The following JARID2 variants were observed in gnomAD, a reference collection of about 807,000 sequenced individuals.
JARID2 encodes jumonji and AT-rich interaction domain containing 2.
In JARID2, 21 loss-of-function variants were observed where a neutral mutation model predicts 125.6. That is an observed-to-expected ratio of 0.17 (90% CI 0.12 to 0.24). The LOEUF is 0.24. Ranked by LOEUF, JARID2 falls within the 10% of genes least tolerant of loss-of-function variation. JARID2 has a pLI of 1.00. For synonymous variants in JARID2, 736 were observed against 661.6 expected (o/e 1.11, Z -1.73); for missense variants, 1,303 against 1,639.6 (o/e 0.79, Z 3.55).
intron 3 of JARID2, among the ~76,000 whole-genome samples, chr6:15,434,265 C>T (rs1422184330): frequency 6.6e-6 from 1 of 152,030 alleles, no homozygotes; most frequent in East Asian, 1.9e-4. Flanking sequence ...TGGACAATTC[C>T]ATATACTCCT....
At chr6:15,263,711 G>T (rs1384800064) in intron 1 of JARID2, among the ~76,000 whole-genome samples, 3 of 151,328 alleles carry the variant, frequency 2.0e-5, no homozygotes, top group Non-Finnish European at 4.4e-5. Flanking sequence ...TCCTGCCTCA[G>T]CCTCCAGAGT....
chr6:15,476,040 T>G (rs1344380542), intron 5 of JARID2, among the ~76,000 whole-genome samples: 3 of 152,216 alleles, frequency 2.0e-5, no homozygotes, highest in Non-Finnish European at 4.4e-5. Context: ...AGATTTGTGC[T>G]TTTCCCTATT....
At chr6:15,429,109 A>G (rs575847331) in intron 3 of JARID2, among the ~76,000 whole-genome samples, 21 of 152,162 alleles carry the variant, frequency 1.4e-4, no homozygotes, top group African/African-American at 4.3e-4. Flanking sequence ...TTTCTAGGCT[A>G]TGTCCACTTG....
At chr6:15,461,882 C>CT (rs112020845) in intron 4 of JARID2, among the ~76,000 whole-genome samples, 2,095 of 145,084 alleles carry the variant, frequency 0.014, 29 homozygotes, top group South Asian at 0.047. Context: ...GTGATGGTAT[C>CT]TTTTTTTTTT....
chr6:15,290,863 G>A (rs978140050), intron 1 of JARID2, among the ~76,000 whole-genome samples: 3 of 152,160 alleles, frequency 2.0e-5, no homozygotes, highest in Non-Finnish European at 2.9e-5. Flanking sequence ...CTCGTGATCC[G>A]CCTGCCTCGG....
rs1008807793 is a variant in JARID2, at chr6:15,397,979, A to G, written c.182-12245A>G. Among the ~76,000 whole-genome samples the G allele has an allele frequency of 2.6e-5, 4 of 152,228 alleles. No individual in the cohort carries two copies. The South Asian group carries it at 8.3e-4, about 31-fold the overall frequency. On this transcript the variant is annotated intron_variant, in intron 2 of 17. Transcript: ENST00000341776. ...ATAAATACTCCATTGTGTAATAATG[A>G]AAATGGATAGGCAAGCGATATAATA...
intron 4 of JARID2, 104 bp downstream of exon 4, chr6:15,452,279 C>T: frequency 6.8e-7 from 1 of 1,473,990 alleles, no homozygotes. Flanking sequence ...GTTCATTTTT[C>T]TGTCCCCAAC....
At chr6:15,331,818 T>C (rs894600096) in intron 1 of JARID2, among the ~76,000 whole-genome samples, 11 of 152,164 alleles carry the variant, frequency 7.2e-5, no homozygotes, top group Admixed American at 2.6e-4. Flanking sequence ...GAAACTCCAT[T>C]TCATAAAAAG....
intron 2 of JARID2, among the ~76,000 whole-genome samples, chr6:15,378,406 GGGT>G (rs10568063): frequency 0.15 from 22,733 of 151,838 alleles, 1,754 homozygotes; most frequent in East Asian, 0.17. Context: ...AGAGAAGGGT[GGGT>G]GGTGGTGGAG....
At chr6:15,366,511 G>T (rs1763980647) in intron 1 of JARID2, among the ~76,000 whole-genome samples, 1 of 134,544 alleles carries the variant, frequency 7.4e-6, no homozygotes, top group Non-Finnish European at 1.6e-5. Flanking sequence ...GTGGGGGGCG[G>T]GGGGGGCGGG....
intron 5 of JARID2, among the ~76,000 whole-genome samples, chr6:15,479,952 A>AGT (rs2127702914): frequency 6.6e-6 from 1 of 152,346 alleles, no homozygotes; most frequent in Non-Finnish European, 1.5e-5. Flanking sequence ...AGTGACTCAA[A>AGT]GTTGAACTGG....
At chr6:15,430,545 A>G (rs887920019) in intron 3 of JARID2, among the ~76,000 whole-genome samples, 3 of 152,228 alleles carry the variant, frequency 2.0e-5, no homozygotes, top group African/African-American at 7.2e-5. Flanking sequence ...TAACAGTATA[A>G]TAGGCCAGGT....
At chr6:15,318,021 T>A (rs2089546906) in intron 1 of JARID2, among the ~76,000 whole-genome samples, 1 of 152,206 alleles carries the variant, frequency 6.6e-6, no homozygotes, top group Non-Finnish European at 1.5e-5. Flanking sequence ...GTTTTGAGTT[T>A]GCTCCAGATT....
At chr6:15,259,961 G>C (rs943639541) in intron 1 of JARID2, among the ~76,000 whole-genome samples, 1 of 152,182 alleles carries the variant, frequency 6.6e-6, no homozygotes, top group Non-Finnish European at 1.5e-5. Context: ...TCTCAATGCA[G>C]CAGTGTTTGG....
At chr6:15,442,031 C>T (rs1039433160) in intron 3 of JARID2, among the ~76,000 whole-genome samples, 1 of 151,848 alleles carries the variant, frequency 6.6e-6, no homozygotes, top group Non-Finnish European at 1.5e-5. Context: ...ATCCCCCACG[C>T]CTGGCCTGGA....
At chr6:15,451,979 A>AT in intron 3 of JARID2, 27 bp from the exon 4 acceptor site, 1 of 1,609,658 alleles carries the variant, frequency 6.2e-7, no homozygotes, top group Non-Finnish European at 8.5e-7. Flanking sequence ...TGCTTAATTT[A>AT]TTTTTAATTT....
intron 2 of JARID2, among the ~76,000 whole-genome samples, chr6:15,402,179 A>G (rs553871035): frequency 2.0e-5 from 3 of 152,222 alleles, no homozygotes; most frequent in African/African-American, 7.2e-5. Flanking sequence ...TCAGGACACA[A>G]AGTTTGTGGA....
intron 2 of JARID2, among the ~76,000 whole-genome samples, chr6:15,380,746 C>G (rs1029057193): frequency 2.6e-5 from 4 of 152,028 alleles, no homozygotes; most frequent in Non-Finnish European, 5.9e-5. Context: ...TCCAAAGATT[C>G]TTGATGTGTG....
At chr6:15,492,111 G>A (rs1770179354) in intron 6 of JARID2, among the ~76,000 whole-genome samples, 2 of 152,090 alleles carry the variant, frequency 1.3e-5, no homozygotes, top group South Asian at 2.1e-4. Flanking sequence ...TACAGGTGAC[G>A]GATGGCTGTG....
Sources: allele counts gnomAD v4.1 joint callset (sites outside exome capture counted in the v4.1 genomes callset), GRCh38; gene constraint gnomAD v4.1.1; transcripts MANE v1.5; gene names NCBI Gene and HGNC (gene_info 2026-07-23, HGNC 2026-07-21).